Variants in FER observed in about 807,000 individuals in gnomAD.
The protein encoded by FER is FER tyrosine kinase.
A neutral mutation model predicts 111.0 loss-of-function variants in FER; 63 were observed. That is an observed-to-expected ratio of 0.57 (90% CI 0.46 to 0.70). The LOEUF (loss-of-function observed/expected upper bound fraction) is 0.70. Ranked by LOEUF, FER falls within the 30% of genes least tolerant of loss-of-function variation. The pLI is 0.00. For missense variants in FER, 914 were observed against 954.0 expected, an observed-to-expected ratio of 0.96 and a Z score of 0.55; for synonymous variants, 327 against 313.9, an observed-to-expected ratio of 1.04 and a Z score of -0.44.
Position 109,084,128 on chromosome 5 carries a change from A to G in FER, c.1925-16268A>G, listed in dbSNP as rs979731408. On this transcript the variant is annotated intron_variant, in intron 16 of 19. Transcript: ENST00000281092. Reference sequence around the variant, plus strand: ...GGACATGACTATTGAATCCTCTCTCATACACCTTCCTGGTCACTCCCACCC... The same window carrying G: ...GGACATGACTATTGAATCCTCTCTCGTACACCTTCCTGGTCACTCCCACCC... Among the ~76,000 whole-genome samples the G allele has an allele frequency of 5.9e-5, 9 of 151,930 alleles. No individual in the cohort carries two copies. In the East Asian group the frequency reaches 1.3e-3, roughly 23 times the overall value.
At chr5:108,774,213 C>T (rs1753236536) in intron 2 of FER, among the ~76,000 whole-genome samples, 1 of 152,084 alleles carries the variant, frequency 6.6e-6, no homozygotes, top group Non-Finnish European at 1.5e-5. Context: ...TCATCCATGT[C>T]CCTGTAAAAG....
At chr5:109,041,708 C>T (rs902065242) in intron 14 of FER, among the ~76,000 whole-genome samples, 10 of 152,116 alleles carry the variant, frequency 6.6e-5, no homozygotes, top group Non-Finnish European at 1.3e-4. Context: ...TGACAGTTAC[C>T]CAACAGCTCA....
At chr5:109,149,410 A>C (rs1210631246) in intron 17 of FER, among the ~76,000 whole-genome samples, 3 of 152,156 alleles carry the variant, frequency 2.0e-5, no homozygotes, top group Non-Finnish European at 4.4e-5. Flanking sequence ...TCCCCAACCC[A>C]CCTCTAATGG....
At chr5:108,787,086 CAG>C (rs1311265666) in intron 2 of FER, among the ~76,000 whole-genome samples, 2 of 152,006 alleles carry the variant, frequency 1.3e-5, no homozygotes, top group East Asian at 3.9e-4. Flanking sequence ...TGCAGCTGCC[CAG>C]CTGCAGCTTG....
chr5:109,075,672 C>T (rs559955222), intron 16 of FER, among the ~76,000 whole-genome samples: 10 of 152,210 alleles, frequency 6.6e-5, no homozygotes, highest in African/African-American at 2.4e-4. Flanking sequence ...ATCCACCCTC[C>T]TTGGCCTCCC....
intron 11 of FER, 133 bp from the exon 12 acceptor site, chr5:108,954,596 T>C: frequency 1.5e-6 from 1 of 653,908 alleles, no homozygotes; most frequent in South Asian, 2.6e-5. Context: ...ATTTTAGGTT[T>C]ATTGTATAAC....
intron 2 of FER, among the ~76,000 whole-genome samples, chr5:108,777,585 A>G (rs1753628488): frequency 6.6e-6 from 1 of 152,170 alleles, no homozygotes; most frequent in South Asian, 2.1e-4. Flanking sequence ...CCAACTATTC[A>G]TTCCTCTCTT....
At chr5:109,059,228 C>G (rs565838996) in intron 16 of FER, among the ~76,000 whole-genome samples, 5 of 152,210 alleles carry the variant, frequency 3.3e-5, no homozygotes, top group African/African-American at 7.2e-5. Context: ...TGAATTTCCA[C>G]TACAAAATCA....
At chr5:108,780,587 G>A (rs1753954924) in intron 2 of FER, among the ~76,000 whole-genome samples, 2 of 151,984 alleles carry the variant, frequency 1.3e-5, no homozygotes, top group South Asian at 2.1e-4. Flanking sequence ...AAGCCTAGGT[G>A]TAGTTTTTTG....
intron 3 of FER, among the ~76,000 whole-genome samples, chr5:108,814,929 A>G (rs1445754124): frequency 2.0e-5 from 3 of 152,142 alleles, no homozygotes; most frequent in African/African-American, 7.2e-5. Context: ...AGACCTAGGT[A>G]GCTATCTTTT....
At chr5:109,051,150 A>C (rs1772739956) in intron 16 of FER, among the ~76,000 whole-genome samples, 1 of 152,174 alleles carries the variant, frequency 6.6e-6, no homozygotes, top group Non-Finnish European at 1.5e-5. Flanking sequence ...ATACACCCCC[A>C]GTGAACCTAG....
chr5:109,041,337 A>T (rs1385885015), intron 14 of FER, among the ~76,000 whole-genome samples: 2 of 152,100 alleles, frequency 1.3e-5, no homozygotes, highest in East Asian at 3.9e-4. Flanking sequence ...TTGACCATGG[A>T]ATTTAAGGTG....
intron 13 of FER, among the ~76,000 whole-genome samples, chr5:108,983,410 C>T (rs1762218218): frequency 6.6e-6 from 1 of 151,970 alleles, no homozygotes; most frequent in Non-Finnish European, 1.5e-5. Context: ...TTGGTTTAAA[C>T]CAAGTTGAAA....
At chr5:108,891,203 T>C (rs1747987623) in intron 9 of FER, among the ~76,000 whole-genome samples, 1 of 152,178 alleles carries the variant, frequency 6.6e-6, no homozygotes, top group African/African-American at 2.4e-5. Flanking sequence ...TTCAACTTTT[T>C]TGCTCATTTT....
intron 10 of FER, among the ~76,000 whole-genome samples, chr5:108,940,761 C>T (rs778810524): frequency 6.6e-6 from 1 of 152,050 alleles, no homozygotes; most frequent in African/African-American, 2.4e-5. Context: ...TTGAGAGATA[C>T]TTCAGATGAA....
intron 11 of FER, 115 bp from the exon 12 acceptor site, chr5:108,954,614 T>A: frequency 1.3e-6 from 1 of 762,816 alleles, no homozygotes; most frequent in Non-Finnish European, 2.0e-6. Context: ...AACTTTTAAT[T>A]GGTCAATTAA....
intron 13 of FER, among the ~76,000 whole-genome samples, chr5:108,987,219 G>A (rs990171305): frequency 6.6e-6 from 1 of 152,154 alleles, no homozygotes; most frequent in East Asian, 1.9e-4. Flanking sequence ...GCCAAGGTAG[G>A]CAGATCACAT....
chr5:109,107,828 C>T (rs1228514295), intron 17 of FER, among the ~76,000 whole-genome samples: 1 of 152,148 alleles, frequency 6.6e-6, no homozygotes, highest in African/African-American at 2.4e-5. Context: ...TTCCTCCACT[C>T]CTCTTGCAAA....
intron 16 of FER, among the ~76,000 whole-genome samples, chr5:109,098,191 C>T (rs1747765514): frequency 6.6e-6 from 1 of 151,644 alleles, no homozygotes; most frequent in Non-Finnish European, 1.5e-5. Context: ...TTATTTAATG[C>T]TATTTAAGTG....
Sources: allele counts gnomAD v4.1 joint callset (sites outside exome capture counted in the v4.1 genomes callset), GRCh38; gene constraint gnomAD v4.1.1; transcripts MANE v1.5; gene names NCBI Gene and HGNC (gene_info 2026-07-23, HGNC 2026-07-21).